Variants in PMPCA observed in about 807,000 individuals in gnomAD.
PMPCA encodes the protein peptidase, mitochondrial processing subunit alpha.
In PMPCA, 47 loss-of-function variants were observed where a neutral mutation model predicts 59.3. That is an observed-to-expected ratio of 0.79 (90% CI 0.63 to 1.01). The LOEUF is 1.01. PMPCA is among the 50% of genes least tolerant of loss of function. PMPCA has a pLI of 0.00. For missense variants in PMPCA, 726 were observed against 704.5 expected (o/e 1.03, Z -0.34); for synonymous variants, 338 against 290.3 (o/e 1.16, Z -1.67).
rs762226253 is a variant in PMPCA at position 136,418,616 on chromosome 9, C to A, written c.1052C>A (p.Ser351Ter). 2 of 1,613,982 alleles carry A rather than the reference C, an allele frequency of 1.2e-6. No homozygotes were observed. The highest frequency in any genetic ancestry group is 1.7e-6 in the Non-Finnish European group (2 of 1,179,836). Reference protein sequence around the residue: ...NMMMGGGGSFSAGGPGKGMFS... With the variant: ...NMMMGGGGSF Reference sequence around the variant, plus strand: ...ATGATGGGCGGAGGTGGCTCCTTCTCGGCTGGTGGGCCCGGCAAGGGCATG... The same window carrying A: ...ATGATGGGCGGAGGTGGCTCCTTCTAGGCTGGTGGGCCCGGCAAGGGCATG... Residue 351 changes from serine to a stop codon, truncating the protein, a stop_gained, in exon 9 of 13, where the codon TCG becomes TAG. Transcript: ENST00000371717. LOFTEE classifies it high-confidence loss of function.
At chr9:136,422,627 A>C in intron 12 of PMPCA, 1 of 1,006,832 alleles carries the variant, frequency 9.9e-7, no homozygotes, top group Non-Finnish European at 1.2e-6. Context: ...TTAAATCCTC[A>C]AGCGAGTGTC....
rs767780538 is a variant in PMPCA at position 136,421,964 on chromosome 9, T to A, written c.1396T>A (p.Cys466Ser). ...CTCCAGAAAGCTGCCGCACGAGCTG[T>A]GCACGCTCATCCGTGAGTACCGCAG... ...TRSRKLPHEL[C>S]TLIRNVKPED... is the part of the protein sequence containing the mutation. The change falls in exon 12 of 13, where the codon TGC (cysteine) becomes AGC (serine). Residue 466 changes from cysteine to serine, a missense_variant. Transcript: ENST00000371717. The A allele has an allele frequency of 1.2e-6, 2 of 1,611,988 alleles. No individual in the cohort carries two copies. Among genetic ancestry groups the A allele is most frequent in the Admixed American group, 1.7e-5 (1 of 59,692 alleles).
rs780301304 is a variant in PMPCA, at chr9:136,412,084, G to A, written c.159G>A (p.Lys53=). 6.2e-7 allele frequency: 1 copy of A among 1,613,096 alleles called. No individual in the cohort carries two copies. Among genetic ancestry groups the A allele is most frequent in the African/African-American group, 1.3e-5 (1 of 74,904 alleles). The change falls in exon 2 of 13, where the codon AAG becomes AAA. Residue 53 remains lysine (K), a synonymous_variant. Transcript: ENST00000371717. ...CTTCTCCCTTACCTGGAGTACCCAA[G>A]CCTGTTTTTGCTACAGTTGATGGAC... The part of the protein sequence containing the change: ...PLSSPLPGVP[K]PVFATVDGQE...
chr9:136,423,096 C>T lies in PMPCA; in HGVS notation c.1410C>T (p.Arg470=), dbSNP rs757638154. 6 of 1,611,270 alleles carry T rather than the reference C, an allele frequency of 3.7e-6. No individual in the cohort carries two copies. The South Asian group carries it at 6.6e-5, about 18-fold the overall frequency. Residue 470 remains arginine, a splice_region_variant and synonymous_variant, in exon 13 of 13, where the codon CGC becomes CGT. Coordinates refer to ENST00000371717, the MANE Select transcript of PMPCA (RefSeq NM_015160.3). ...ACACGCGTTTGCCCTCTGCACTAGGCAACGTGAAGCCGGAAGATGTGAAGA... is the reference window on the plus strand; with the variant it reads ...ACACGCGTTTGCCCTCTGCACTAGGTAACGTGAAGCCGGAAGATGTGAAGA... ...KLPHELCTLI[R]NVKPEDVKRV...
At chr9:136,410,990 C>G (rs1262875931) in intron 1 of PMPCA, 2 of 388,406 alleles carry the variant, frequency 5.1e-6, no homozygotes, top group African/African-American at 4.1e-5. Flanking sequence ...GTCGACGGGC[C>G]TTCTCCGAGG....
At chr9:136,412,765 A>C (rs889377674) in intron 3 of PMPCA, 45 bp from the exon 4 acceptor site, 1 of 1,166,484 alleles carries the variant, frequency 8.6e-7, no homozygotes, top group Admixed American at 1.8e-5. Flanking sequence ...TGTTTCAGGG[A>C]TAGCCTGGAT....
chr9:136,419,940 C>T (rs1014536381), intron 11 of PMPCA: 3 of 151,030 alleles, frequency 2.0e-5, no homozygotes, highest in South Asian at 2.1e-4. Flanking sequence ...TTGGGAACCT[C>T]GTTACTTCCT....
intron 2 of PMPCA, 45 bp from the exon 3 acceptor site, chr9:136,412,445 T>C (rs1450432471): frequency 1.1e-6 from 1 of 950,562 alleles, no homozygotes; most frequent in East Asian, 2.4e-5. Flanking sequence ...TTAAATCTTA[T>C]TTTGAATATC....
At chr9:136,414,172 A>T (rs529351707) in intron 4 of PMPCA, among the ~76,000 whole-genome samples, 1 of 152,296 alleles carries the variant, frequency 6.6e-6, no homozygotes, top group African/African-American at 2.4e-5. Flanking sequence ...TCACCTTTTG[A>T]GAGAGAGTAT....
At position 136,414,657 on chromosome 9, in the gene PMPCA, C is replaced by T; in HGVS notation, c.532+10C>T. The T allele has an allele frequency of 1.3e-6, 2 of 1,589,576 alleles. No individual in the cohort carries two copies. On this transcript the variant is annotated intron_variant, in intron 5 of 12. Transcript: ENST00000371717. Reference sequence around the variant, plus strand: ...CAGCCCCGGCTAACAGGTGTGGATCCCAGCCGCTGGCGTTTGAGGTGGGCT... The same window carrying T: ...CAGCCCCGGCTAACAGGTGTGGATCTCAGCCGCTGGCGTTTGAGGTGGGCT...
rs749116778 is a variant in PMPCA, at chr9:136,412,509, G to A, written c.294G>A (p.Ser98=). ...CTVGILINSG[S]RYEAKYLSGI... Reference sequence around the variant, plus strand: ...TACTAGTTCTTATCAATTCAGGATCGAGATATGAAGCGAAATACCTTAGTG... The same window carrying A: ...TACTAGTTCTTATCAATTCAGGATCAAGATATGAAGCGAAATACCTTAGTG... Residue 98 remains serine, a synonymous_variant, in exon 3 of 13, where the codon TCG becomes TCA. Coordinates refer to ENST00000371717, the MANE Select transcript of PMPCA (RefSeq NM_015160.3). 7 of 1,584,252 alleles carry A rather than the reference G, an allele frequency of 4.4e-6. No homozygotes were observed. In the South Asian group the frequency reaches 4.5e-5, roughly 10 times the overall value.
Position 136,416,946 on chromosome 9 carries a change from A to G in PMPCA, c.634-5A>G. 6.2e-7 allele frequency: 1 copy of G among 1,605,254 alleles called. No individual in the cohort carries two copies. The highest frequency in any genetic ancestry group is 1.3e-5 in the African/African-American group (1 of 74,888). ...TCACCTGTGTCTGTGGCTCTTCCCC[A>G]TTAGGCGGCTTACAGGGAGAACACA... On this transcript the variant is annotated splice_region_variant and splice_polypyrimidine_tract_variant and intron_variant, in intron 6 of 12. Coordinates refer to ENST00000371717, the MANE Select transcript of PMPCA (RefSeq NM_015160.3).
intron 12 of PMPCA, chr9:136,422,456 A>G: frequency 9.4e-7 from 1 of 1,061,694 alleles, no homozygotes; most frequent in Non-Finnish European, 1.1e-6. Context: ...TGTGCATCGG[A>G]CTCTTCTGGG....
intron 12 of PMPCA, chr9:136,422,262 G>A: frequency 7.5e-7 from 1 of 1,341,956 alleles, no homozygotes; most frequent in Non-Finnish European, 9.7e-7. Context: ...AGTTGTTAAA[G>A]AGCACTCAAG....
chr9:136,417,061 C>T lies in PMPCA; in HGVS notation c.744C>T (p.Pro248=), dbSNP rs137902780. 2.6e-5 allele frequency: 42 copies of T among 1,614,016 alleles called. No individual in the cohort carries two copies. In the African/African-American group the frequency reaches 4.4e-4, roughly 17 times the overall value. The change falls in exon 7 of 13, where the codon CCC becomes CCT. Residue 248 remains proline, a synonymous_variant. Transcript: ENST00000371717. ...LHSYLRNYYT[P]DRMVLAGVGV... ...CCTACCTGAGGAACTACTACACTCC[C>T]GACCGCATGGTGCTGGCCGGCGTGG...
At chr9:136,414,530 T>C in intron 4 of PMPCA, 23 bp from the exon 5 acceptor site, 1 of 1,530,662 alleles carries the variant, frequency 6.5e-7, no homozygotes. Context: ...GGCCTGGCAT[T>C]ATGGGCTTGT....
rs546177097 is a variant in PMPCA, at chr9:136,418,391, C to T, written c.991-164C>T. Among the ~76,000 whole-genome samples the T allele has an allele frequency of 3.5e-4, 50 of 144,856 alleles. 1 individual carries two copies. In the East Asian group the frequency reaches 8.6e-3, roughly 25 times the overall value. On this transcript the variant is annotated intron_variant, in intron 8 of 12. Transcript: ENST00000371717. ...CTGGCATCCGACGGCGCTCCTGACG[C>T]GGCATGGGTGGCTCAGCCAGCTCTG...
intron 5 of PMPCA, among the ~76,000 whole-genome samples, chr9:136,415,735 T>C (rs12380242): frequency 0.46 from 69,606 of 152,026 alleles, 16,174 homozygotes; most frequent in Admixed American, 0.55. Context: ...CAGGTTCAAG[T>C]GATTCTCCTG....
At chr9:136,411,891 G>A (rs1052610003) in intron 1 of PMPCA, 106 bp from the exon 2 acceptor site, 4 of 715,784 alleles carry the variant, frequency 5.6e-6, no homozygotes, top group Non-Finnish European at 1.0e-5. Flanking sequence ...TAGAAAGGCA[G>A]ATGCTCACTT....
Sources: allele counts gnomAD v4.1 joint callset (sites outside exome capture counted in the v4.1 genomes callset), GRCh38; gene constraint gnomAD v4.1.1; transcripts MANE v1.5; gene names NCBI Gene and HGNC (gene_info 2026-07-23, HGNC 2026-07-21).